CEP170: variants seen among roughly 807,000 people sequenced by gnomAD.
CEP170 encodes the protein centrosomal protein of 170 kDa.
A neutral mutation model predicts 151.9 loss-of-function variants in CEP170; 21 were observed. The observed-to-expected ratio is 0.14, with a 90% CI of 0.10 to 0.20. The LOEUF (loss-of-function observed/expected upper bound fraction) is 0.20, where lower values mean the gene tolerates loss of function less well. Ranked by LOEUF, CEP170 falls within the 10% of genes least tolerant of loss-of-function variation. The probability of loss-of-function intolerance (pLI) is 1.00; values close to 1 mark genes in which losing one functional copy is unlikely to be tolerated. For missense variants in CEP170, 964 were observed against 1,892.9 expected, an observed-to-expected ratio of 0.51 and a Z score of 9.11; for synonymous variants, 356 against 648.8, an observed-to-expected ratio of 0.55 and a Z score of 6.86.
chr1:243,244,973 A>G (rs976765388), intron 1 of CEP170, among the ~76,000 whole-genome samples: 3 of 152,198 alleles, frequency 2.0e-5, no homozygotes, highest in Non-Finnish European at 4.4e-5. Context: ...ACATGTTAAA[A>G]TCTTTGTTGG....
chr1:243,243,776 T>C (rs1226981063), intron 1 of CEP170, among the ~76,000 whole-genome samples: 1 of 152,054 alleles, frequency 6.6e-6, no homozygotes, highest in Non-Finnish European at 1.5e-5. Flanking sequence ...TCCGCCTACC[T>C]CAGCCTCCCA....
intron 13 of CEP170, among the ~76,000 whole-genome samples, chr1:243,159,943 C>T (rs1282959190): frequency 6.6e-6 from 1 of 152,068 alleles, no homozygotes; most frequent in African/African-American, 2.4e-5. Flanking sequence ...CACCTGCCAC[C>T]ATGTCTGGCT....
chr1:243,250,461 T>C (rs1056692711), intron 1 of CEP170, among the ~76,000 whole-genome samples: 8 of 152,208 alleles, frequency 5.3e-5, no homozygotes, highest in Non-Finnish European at 1.2e-4. Context: ...GGGAGAAATC[T>C]AGCTAAGTGT....
intron 19 of CEP170, among the ~76,000 whole-genome samples, chr1:243,127,171 A>G (rs2053795615): frequency 6.6e-6 from 1 of 152,240 alleles, no homozygotes; most frequent in South Asian, 2.1e-4. Flanking sequence ...CCAGAAGAAC[A>G]TCAGCATACT....
At chr1:243,219,101 T>C (rs2062567551) in intron 3 of CEP170, among the ~76,000 whole-genome samples, 1 of 152,208 alleles carries the variant, frequency 6.6e-6, no homozygotes, top group Non-Finnish European at 1.5e-5. Flanking sequence ...AAGACCTTTG[T>C]GGCATGTTTC....
At chr1:243,140,195 A>C in intron 15 of CEP170, 88 bp from the exon 16 acceptor site, 1 of 1,517,600 alleles carries the variant, frequency 6.6e-7, no homozygotes, top group Non-Finnish European at 8.9e-7. Flanking sequence ...ATTAGACAGA[A>C]GTTATTCCAT....
chr1:243,226,022 C>T (rs2063205322), intron 1 of CEP170, among the ~76,000 whole-genome samples: 1 of 128,008 alleles, frequency 7.8e-6, no homozygotes, highest in African/African-American at 3.6e-5. Flanking sequence ...TATATATACA[C>T]ACGTATATAT....
At chr1:243,251,145 C>T (rs2065901171) in intron 1 of CEP170, among the ~76,000 whole-genome samples, 1 of 152,192 alleles carries the variant, frequency 6.6e-6, no homozygotes, top group Admixed American at 6.5e-5. Flanking sequence ...CAGCTACTAG[C>T]TCAATTTAAG....
Position 243,139,964 on chromosome 1 carries a change from T to G in CEP170, c.4203A>C (p.Thr1401=), listed in dbSNP as rs1171421191. 1 of 1,612,848 alleles carries G rather than the reference T, an allele frequency of 6.2e-7. No individual in the cohort carries two copies. Among genetic ancestry groups the G allele is most frequent in the South Asian group, 1.1e-5 (1 of 91,040 alleles). Reference sequence around the variant, plus strand: ...CATCCCTGCTCCAGGTTCTCCGCCTTGTAATTGTTAAGTGATCGGGAGGCT... The same window carrying G: ...CATCCCTGCTCCAGGTTCTCCGCCTGGTAATTGTTAAGTGATCGGGAGGCT... The part of the protein sequence containing the change: ...AAEPPDHLTI[T]RRRTWSRDEV... Residue 1401 remains threonine, a synonymous_variant, in exon 16 of 20, where the codon ACA becomes ACC. Coordinates refer to ENST00000366542, the MANE Select transcript of CEP170 (RefSeq NM_014812.3).
intron 1 of CEP170, among the ~76,000 whole-genome samples, chr1:243,230,680 G>C (rs915337718): frequency 6.6e-6 from 1 of 152,140 alleles, no homozygotes; most frequent in African/African-American, 2.4e-5. Flanking sequence ...TGAACCTGAA[G>C]ATAAGAACAG....
chr1:243,231,153 GCATCATCAT>G (rs74162260), intron 1 of CEP170, among the ~76,000 whole-genome samples: 1,975 of 142,170 alleles, frequency 0.014, 23 homozygotes, highest in South Asian at 0.029. Flanking sequence ...TATCTTTCAA[GCATCATCAT>G]CATCATCATC....
chr1:243,165,706 C>G lies in CEP170; in HGVS notation c.2254G>C (p.Glu752Gln), dbSNP rs1333798629. The G allele has an allele frequency of 1.8e-5, 29 of 1,614,064 alleles. No individual in the cohort carries two copies. Among genetic ancestry groups the G allele is most frequent in the Middle Eastern group, 3.3e-4 (2 of 6,062 alleles). Reference sequence around the variant, plus strand: ...GTCCACTGAGCCTCCTCCCTTTGTTCTTGTTGTTGAAGTTTTGCTAATGTT... The same window carrying G: ...GTCCACTGAGCCTCCTCCCTTTGTTGTTGTTGTTGAAGTTTTGCTAATGTT... Reference protein sequence around the residue: ...KQTLAKLQQQEQREEAQWTPT... With the variant: ...KQTLAKLQQQQQREEAQWTPT... The change falls in exon 13 of 20, where the codon GAA becomes CAA. Residue 752 changes from glutamate (E) to glutamine (Q), a missense_variant. Transcript: ENST00000366542.
At chr1:243,151,408 A>T (rs994198396) in intron 14 of CEP170, among the ~76,000 whole-genome samples, 2 of 151,520 alleles carry the variant, frequency 1.3e-5, no homozygotes, top group Non-Finnish European at 2.9e-5. Flanking sequence ...AGTAAATTAA[A>T]AGTGCTACTC....
At chr1:243,228,899 T>C (rs559007531) in intron 1 of CEP170, among the ~76,000 whole-genome samples, 2 of 152,244 alleles carry the variant, frequency 1.3e-5, no homozygotes, top group East Asian at 1.9e-4. Flanking sequence ...TTCTGAAAAA[T>C]ACAAACAAAA....
At chr1:243,221,071 C>G (rs551091758) in intron 3 of CEP170, among the ~76,000 whole-genome samples, 1 of 152,240 alleles carries the variant, frequency 6.6e-6, no homozygotes, top group South Asian at 2.1e-4. Context: ...GTCGCCCAGG[C>G]TGGAGTGCAG....
At chr1:243,145,436 G>A (rs1288148692) in intron 14 of CEP170, among the ~76,000 whole-genome samples, 3 of 152,224 alleles carry the variant, frequency 2.0e-5, no homozygotes, top group Non-Finnish European at 4.4e-5. Flanking sequence ...CACCACGCCC[G>A]GCTAATTTTG....
intron 14 of CEP170, among the ~76,000 whole-genome samples, chr1:243,154,495 T>C (rs1461588373): frequency 1.3e-5 from 2 of 152,156 alleles, no homozygotes; most frequent in Non-Finnish European, 2.9e-5. Context: ...CCTCCTTTTT[T>C]CTCCACATAA....
chr1:243,191,356 C>A lies in CEP170; in HGVS notation c.770G>T (p.Ser257Ile). Residue 257 changes from serine to isoleucine, a missense_variant, in exon 8 of 20, where the codon AGC (serine) becomes ATC (isoleucine). Ser to Ile is a moderately radical substitution (Grantham distance 142). Coordinates refer to ENST00000366542, the MANE Select transcript of CEP170 (RefSeq NM_014812.3). ...TTTTGTTGGGATTTCATGAATAGTG[C>A]TTTCTGTTATTTGTGATGGTTGCTG... ...EFQQPSQITESTIHEIPTKDT... is the reference protein window; with the variant it reads ...EFQQPSQITEITIHEIPTKDT... The A allele has an allele frequency of 6.2e-7, 1 of 1,611,496 alleles. No individual in the cohort carries two copies. Among genetic ancestry groups the A allele is most frequent in the Non-Finnish European group, 8.5e-7 (1 of 1,178,780 alleles).
At chr1:243,244,357 T>TCACACACA (rs36023097) in intron 1 of CEP170, among the ~76,000 whole-genome samples, 1 of 150,144 alleles carries the variant, frequency 6.7e-6, no homozygotes, top group African/African-American at 2.5e-5. Flanking sequence ...GCTCCTTGTA[T>TCACACACA]CACACACACA....
Sources: allele counts gnomAD v4.1 joint callset (sites outside exome capture counted in the v4.1 genomes callset), GRCh38; gene constraint gnomAD v4.1.1; transcripts MANE v1.5; gene names NCBI Gene and HGNC (gene_info 2026-07-23, HGNC 2026-07-21).